NCKAP5: variants seen among roughly 807,000 people sequenced by gnomAD.
NCKAP5 encodes the protein NCK associated protein 5.
NCKAP5 carries 92 observed loss-of-function variants against 167.0 expected under a neutral mutation model. The ratio of observed to expected loss-of-function variants is 0.55; its 90% CI spans 0.47 to 0.66. The LOEUF is 0.66. Among genes scored for constraint, NCKAP5 ranks in the 30% least tolerant of loss-of-function variants. The pLI, the probability that NCKAP5 is intolerant of heterozygous loss-of-function variation, is 0.00. For synonymous variants in NCKAP5, 891 were observed against 877.4 expected (o/e 1.02, Z -0.27); for missense variants, 2,378 against 2,315.0 (o/e 1.03, Z -0.56).
chr2:132,711,987 G>A (rs1447278074), intron 19 of NCKAP5, among the ~76,000 whole-genome samples: 1 of 152,212 alleles, frequency 6.6e-6, no homozygotes, highest in Non-Finnish European at 1.5e-5. Flanking sequence ...AGCGAAGGCT[G>A]CAGGACAGAC....
intron 4 of NCKAP5, among the ~76,000 whole-genome samples, chr2:133,242,753 T>C (rs2087778927): frequency 6.6e-6 from 1 of 152,224 alleles, no homozygotes. Context: ...GATGCATAAA[T>C]GTAAACTGAC....
chr2:133,232,143 G>T (rs1399372502), intron 4 of NCKAP5, among the ~76,000 whole-genome samples: 1 of 152,138 alleles, frequency 6.6e-6, no homozygotes, highest in African/African-American at 2.4e-5. Flanking sequence ...GGATTCTGCA[G>T]GCATCTATAC....
intron 3 of NCKAP5, among the ~76,000 whole-genome samples, chr2:133,320,189 A>C (rs1681929408): frequency 6.6e-6 from 1 of 152,162 alleles, no homozygotes; most frequent in Non-Finnish European, 1.5e-5. Flanking sequence ...TTTTGGAAGG[A>C]CTCAGTGCTA....
At chr2:132,689,776 T>TGC (rs1412114075) in intron 19 of NCKAP5, among the ~76,000 whole-genome samples, 1 of 152,166 alleles carries the variant, frequency 6.6e-6, no homozygotes, top group African/African-American at 2.4e-5. Context: ...CATCCTTGTG[T>TGC]GTGTGTGTGT....
At chr2:132,778,357 T>G (rs1682729005) in intron 15 of NCKAP5, among the ~76,000 whole-genome samples, 1 of 152,070 alleles carries the variant, frequency 6.6e-6, no homozygotes, top group Admixed American at 6.6e-5. Context: ...TTGAAACATA[T>G]TTTAGAATGT....
intron 11 of NCKAP5, among the ~76,000 whole-genome samples, chr2:132,835,137 C>T (rs1687799172): frequency 6.6e-6 from 1 of 152,106 alleles, no homozygotes; most frequent in Non-Finnish European, 1.5e-5. Flanking sequence ...GTATGTTGAA[C>T]CATCCTTGCA....
chr2:133,400,899 AC>A (rs1688057340), intron 3 of NCKAP5, among the ~76,000 whole-genome samples: 1 of 152,140 alleles, frequency 6.6e-6, no homozygotes, highest in Admixed American at 6.5e-5. Context: ...AAGCTTCTGA[AC>A]CCTTGGAATT....
the NCKAP5 span, among the ~76,000 whole-genome samples, chr2:133,575,743 C>T: frequency 7.9e-5 from 12 of 152,338 alleles, no homozygotes; most frequent in East Asian, 2.1e-3. Context: ...CCTACTGCTG[C>T]TGGCCAAATC....
intron 3 of NCKAP5, among the ~76,000 whole-genome samples, chr2:133,487,468 C>T (rs565244525): frequency 1.7e-4 from 26 of 152,234 alleles, no homozygotes; most frequent in African/African-American, 5.3e-4. Flanking sequence ...TACCCCTTAC[C>T]GTCTCCAGGC....
intron 6 of NCKAP5, among the ~76,000 whole-genome samples, chr2:133,063,394 C>T (rs2080078711): frequency 6.6e-6 from 1 of 152,138 alleles, no homozygotes. Flanking sequence ...TATACACTAC[C>T]AGCATGTATT....
Position 133,511,782 on chromosome 2 carries a change from G to A in NCKAP5, c.69+5676C>T, listed in dbSNP as rs537129831. On this transcript the variant is annotated intron_variant, in intron 3 of 19. Transcript: ENST00000409261. ...AAGAAAAACTCCCTCTTGTTCTTTGGCCCTCCCTGACTTGATGCTCATTTG... is the reference window on the plus strand; with the variant it reads ...AAGAAAAACTCCCTCTTGTTCTTTGACCCTCCCTGACTTGATGCTCATTTG... 2.6e-5 allele frequency among the ~76,000 whole-genome samples: 4 copies of A among 152,194 alleles called. No individual in the cohort carries two copies. The South Asian group carries it at 6.2e-4, about 24-fold the overall frequency.
chr2:133,603,505 G>T, the NCKAP5 span, among the ~76,000 whole-genome samples: 1 of 151,922 alleles, frequency 6.6e-6, no homozygotes, highest in Non-Finnish European at 1.5e-5. Context: ...GATTACAGGC[G>T]TGAGCCACCG....
At chr2:132,805,484 A>G (rs1268302361) in intron 11 of NCKAP5, among the ~76,000 whole-genome samples, 1 of 152,164 alleles carries the variant, frequency 6.6e-6, no homozygotes, top group Non-Finnish European at 1.5e-5. Flanking sequence ...GCTAGACACA[A>G]ACATCATTCA....
chr2:133,495,541 G>A (rs1232142455), intron 3 of NCKAP5, among the ~76,000 whole-genome samples: 1 of 152,198 alleles, frequency 6.6e-6, no homozygotes, highest in Non-Finnish European at 1.5e-5. Flanking sequence ...GATTTGTGAA[G>A]TCCAGCGACA....
intron 8 of NCKAP5, among the ~76,000 whole-genome samples, chr2:132,942,806 G>A (rs895450640): frequency 1.3e-5 from 2 of 152,186 alleles, no homozygotes; most frequent in Non-Finnish European, 2.9e-5. Context: ...AAGTTCACCA[G>A]GCCAAAGTAA....
intron 6 of NCKAP5, among the ~76,000 whole-genome samples, chr2:133,064,083 A>G (rs1485620669): frequency 6.6e-6 from 1 of 152,228 alleles, no homozygotes; most frequent in African/African-American, 2.4e-5. Flanking sequence ...CTCTCCTCAC[A>G]GAGGTGCTGA....
At chr2:133,561,857 G>A (rs1159942914) in intron 1 of NCKAP5, among the ~76,000 whole-genome samples, 1 of 152,146 alleles carries the variant, frequency 6.6e-6, no homozygotes, top group East Asian at 1.9e-4. Flanking sequence ...TTCAGCTATA[G>A]GGTCTTAGAA....
chr2:133,396,466 G>C lies in NCKAP5; in HGVS notation c.70-93356C>G, dbSNP rs573306259. Among the ~76,000 whole-genome samples the C allele has an allele frequency of 3.9e-5, 6 of 152,110 alleles. No individual in the cohort carries two copies. The South Asian group carries it at 1.0e-3, about 26-fold the overall frequency. ...ATATCACATTAAAACACCCAACATA[G>C]AATTCAAGGGTATTTATCCTTGGCT... On this transcript the variant is annotated intron_variant, in intron 3 of 19. Transcript: ENST00000409261.
At chr2:133,070,119 A>AT (rs1345593469) in intron 6 of NCKAP5, among the ~76,000 whole-genome samples, 4 of 152,226 alleles carry the variant, frequency 2.6e-5, no homozygotes, top group Non-Finnish European at 4.4e-5. Context: ...GAGTTTGTCA[A>AT]TGAGTAGGAA....
Sources: allele counts gnomAD v4.1 joint callset (sites outside exome capture counted in the v4.1 genomes callset), GRCh38; gene constraint gnomAD v4.1.1; transcripts MANE v1.5; gene names NCBI Gene and HGNC (gene_info 2026-07-23, HGNC 2026-07-21).